SLC35F1: variants seen among roughly 807,000 people sequenced by gnomAD.
SLC35F1 encodes the protein chromosome 6 open reading frame 169.
In SLC35F1, 14 loss-of-function variants were observed where a neutral mutation model predicts 48.7. That is an observed-to-expected ratio of 0.29 (90% CI 0.19 to 0.45). SLC35F1 has a LOEUF of 0.45. Among genes scored for constraint, SLC35F1 ranks in the 20% least tolerant of loss-of-function variants. The probability of loss-of-function intolerance (pLI) is 1.00; values close to 1 mark genes in which losing one functional copy is unlikely to be tolerated. For missense variants in SLC35F1, 404 were observed against 500.0 expected (o/e 0.81, Z 1.83); for synonymous variants, 190 against 202.2 (o/e 0.94, Z 0.51).
chr6:118,076,421 G>A lies in SLC35F1; in HGVS notation c.174-78024G>A, dbSNP rs114380072. On this transcript the variant is annotated intron_variant, in intron 1 of 7. Coordinates refer to ENST00000360388, the MANE Select transcript of SLC35F1 (RefSeq NM_001029858.4). The stretch of plus-strand genomic sequence containing the variant: ...AAGAAAAGAGGTTTAATTGACTCAC[G>A]GTTCTACAGGCCGTACAGGAGGCAT... Among the ~76,000 whole-genome samples the A allele has an allele frequency of 6.7e-3, 1,025 of 152,256 alleles. 13 individuals carry two copies. Among genetic ancestry groups the A allele is most frequent in the African/African-American group, 0.024 (979 of 41,562 alleles).
At chr6:118,251,720 C>T (rs1312000221) in intron 3 of SLC35F1, among the ~76,000 whole-genome samples, 1 of 152,068 alleles carries the variant, frequency 6.6e-6, no homozygotes, top group African/African-American at 2.4e-5. Flanking sequence ...AAAGAAAGGA[C>T]TTGGTGACTT....
chr6:118,213,185 C>T (rs562888009), intron 2 of SLC35F1, among the ~76,000 whole-genome samples: 2 of 152,288 alleles, frequency 1.3e-5, no homozygotes, highest in African/African-American at 4.8e-5. Flanking sequence ...TTATAACCCA[C>T]TATATTAATA....
chr6:118,180,016 G>A (rs1774550206), intron 2 of SLC35F1, among the ~76,000 whole-genome samples: 1 of 152,166 alleles, frequency 6.6e-6, no homozygotes, highest in Admixed American at 6.5e-5. Context: ...TGTCCCATAA[G>A]AAAGGAAATA....
chr6:118,231,519 C>A (rs1431125442), intron 2 of SLC35F1, among the ~76,000 whole-genome samples: 2 of 152,122 alleles, frequency 1.3e-5, no homozygotes, highest in Non-Finnish European at 2.9e-5. Flanking sequence ...GGCTTTTCAA[C>A]GGTTGCATTT....
intron 1 of SLC35F1, among the ~76,000 whole-genome samples, chr6:118,027,243 T>C (rs543153574): frequency 7.9e-5 from 12 of 152,314 alleles, no homozygotes; most frequent in Non-Finnish European, 1.5e-4. Context: ...TAAAAGCTGC[T>C]ATAAACATTC....
At position 118,045,750 on chromosome 6, in the gene SLC35F1, C is replaced by T. The variant is rs529296757; in HGVS notation, c.174-108695C>T. Among the ~76,000 whole-genome samples, 15 of 152,266 alleles carry T rather than the reference C, an allele frequency of 9.9e-5. No homozygotes were observed. In the South Asian group the frequency reaches 2.3e-3, roughly 23 times the overall value. ...ACCTTTTATACTTGCTTTTAGATGA[C>T]GCTGATGAAGTTATTATAGTGAGTC... is the stretch of plus-strand genomic sequence containing the variant. On this transcript the variant is annotated intron_variant, in intron 1 of 7. Transcript: ENST00000360388.
chr6:118,044,807 T>C (rs1342041734), intron 1 of SLC35F1, among the ~76,000 whole-genome samples: 1 of 152,168 alleles, frequency 6.6e-6, no homozygotes, highest in African/African-American at 2.4e-5. Flanking sequence ...AACTGAACTC[T>C]GTTTACTGCT....
At chr6:117,993,489 C>T (rs991708367) in intron 1 of SLC35F1, among the ~76,000 whole-genome samples, 11 of 152,026 alleles carry the variant, frequency 7.2e-5, no homozygotes, top group Non-Finnish European at 1.6e-4. Flanking sequence ...TGAGCAGTTA[C>T]TGTGTGGCAG....
intron 2 of SLC35F1, among the ~76,000 whole-genome samples, chr6:118,163,681 A>C (rs1774274532): frequency 1.3e-5 from 2 of 152,192 alleles, no homozygotes; most frequent in South Asian, 4.1e-4. Flanking sequence ...TCCATCTTTC[A>C]TGTGGGAGAT....
chr6:118,048,702 A>T (rs1167751881), intron 1 of SLC35F1, among the ~76,000 whole-genome samples: 1 of 152,048 alleles, frequency 6.6e-6, no homozygotes, highest in African/African-American at 2.4e-5. Flanking sequence ...CACTGCTCAA[A>T]GAAATAAAAG....
chr6:118,083,283 A>G, intron 1 of SLC35F1, among the ~76,000 whole-genome samples: 1 of 152,344 alleles, frequency 6.6e-6, no homozygotes, highest in South Asian at 2.1e-4. Context: ...AAATGTTTGG[A>G]CAGATACTAA....
At chr6:117,929,811 C>A (rs1776077390) in intron 1 of SLC35F1, among the ~76,000 whole-genome samples, 1 of 152,128 alleles carries the variant, frequency 6.6e-6, no homozygotes, top group Admixed American at 6.6e-5. Flanking sequence ...TTTGACTGAA[C>A]AGCTGGGAAC....
chr6:118,187,309 T>C (rs1163792296), intron 2 of SLC35F1, among the ~76,000 whole-genome samples: 2 of 152,194 alleles, frequency 1.3e-5, no homozygotes, highest in Non-Finnish European at 2.9e-5. Flanking sequence ...CCTCACCATC[T>C]TTGCCGAGAC....
intron 2 of SLC35F1, among the ~76,000 whole-genome samples, chr6:118,164,709 T>A (rs1003165021): frequency 5.3e-5 from 8 of 152,210 alleles, no homozygotes; most frequent in Non-Finnish European, 1.0e-4. Context: ...CAAGTTGGAT[T>A]TTATACATGT....
At chr6:118,135,109 A>T (rs923206625) in intron 1 of SLC35F1, among the ~76,000 whole-genome samples, 3 of 152,216 alleles carry the variant, frequency 2.0e-5, no homozygotes, top group Non-Finnish European at 4.4e-5. Context: ...TACTTCTGAA[A>T]TAAGGCATCC....
chr6:118,242,347 A>G (rs540464622), intron 3 of SLC35F1, among the ~76,000 whole-genome samples: 3 of 148,110 alleles, frequency 2.0e-5, no homozygotes, highest in Non-Finnish European at 4.5e-5. Flanking sequence ...TTTGAGAGAA[A>G]TATTTTTAAC....
intron 1 of SLC35F1, among the ~76,000 whole-genome samples, chr6:118,037,468 G>T (rs958298013): frequency 2.6e-5 from 4 of 151,962 alleles, no homozygotes; most frequent in African/African-American, 7.3e-5. Flanking sequence ...TTTGGTATTA[G>T]ATTTTAAATT....
At chr6:118,230,295 A>G (rs191788612) in intron 2 of SLC35F1, among the ~76,000 whole-genome samples, 8 of 151,916 alleles carry the variant, frequency 5.3e-5, no homozygotes, top group Non-Finnish European at 1.0e-4. Context: ...AGCCGAGATT[A>G]CACCACTGCA....
chr6:118,313,630 A>G (rs1236176556), intron 7 of SLC35F1, among the ~76,000 whole-genome samples: 1 of 152,184 alleles, frequency 6.6e-6, no homozygotes, highest in Non-Finnish European at 1.5e-5. Context: ...CTTCATTACA[A>G]CCCTAAAGGG....
Sources: allele counts gnomAD v4.1 joint callset (sites outside exome capture counted in the v4.1 genomes callset), GRCh38; gene constraint gnomAD v4.1.1; transcripts MANE v1.5; gene names NCBI Gene and HGNC (gene_info 2026-07-23, HGNC 2026-07-21).